The following FAM111B variants were observed in gnomAD, a reference collection of about 807,000 sequenced individuals.
The protein encoded by FAM111B is FAM111 trypsin like peptidase B.
Under a neutral mutation model 2.8 loss-of-function variants are expected in FAM111B, and 1 was observed. The ratio of observed to expected loss-of-function variants is 0.36; its 90% CI spans 0.13 to 1.70. The LOEUF is 1.70. Ranked by LOEUF, FAM111B falls within the 40% of genes most tolerant of loss-of-function variation. The pLI is 0.35. For missense variants in FAM111B, 882 were observed against 878.9 expected, an observed-to-expected ratio of 1.00 and a Z score of -0.04; for synonymous variants, 297 against 295.6, an observed-to-expected ratio of 1.00 and a Z score of -0.05.
At chr11:59,118,098 A>G (rs1366773396) in intron 3 of FAM111B, among the ~76,000 whole-genome samples, 1 of 152,228 alleles carries the variant, frequency 6.6e-6, no homozygotes, top group South Asian at 2.1e-4. Context: ...GAGAGGACCA[A>G]CTAGAGGTAC....
chr11:59,126,398 G>A lies in FAM111B; in HGVS notation c.*96G>A. 2 of 996,586 alleles carry A rather than the reference G, an allele frequency of 2.0e-6. No individual in the cohort carries two copies. The highest frequency in any genetic ancestry group is 2.0e-5 in the South Asian group (1 of 50,470). The allele number at this position is 996,586 out of a possible 1,614,324, so 61.7% of individuals were successfully genotyped here. The stretch of plus-strand genomic sequence containing the variant: ...AGCAATTGCAACAAAAGTGAAAATT[G>A]GCAAATGAGACCTAATTAAATCTTC... On this transcript the variant is annotated 3_prime_UTR_variant, in exon 4 of 4. Transcript: ENST00000343597.
At chr11:59,121,167 C>T (rs889642661) in intron 3 of FAM111B, among the ~76,000 whole-genome samples, 12 of 150,528 alleles carry the variant, frequency 8.0e-5, no homozygotes, top group African/African-American at 2.4e-4. Context: ...TTTATGACAC[C>T]TGAGAATGAA....
intron 3 of FAM111B, among the ~76,000 whole-genome samples, chr11:59,116,975 G>C (rs1859849144): frequency 1.3e-5 from 2 of 152,204 alleles, no homozygotes; most frequent in South Asian, 4.1e-4. Flanking sequence ...ATTTTTACCA[G>C]GTCTCTGAGG....
Position 59,127,374 on chromosome 11 carries a change from TTAAACC to T in FAM111B, c.*1077_*1082del. ...ATATAACAAAACTGCACATGGACTCTTAAACCTAAATAAAAGTTTAAAATATATATA... is the reference window on the plus strand; with the variant it reads ...ATATAACAAAACTGCACATGGACTCTTAAATAAAAGTTTAAAATATATATA... On this transcript the variant is annotated 3_prime_UTR_variant, in exon 4 of 4. Transcript: ENST00000343597. The T allele has an allele frequency of 6.6e-6, 1 of 152,122 alleles. No individual in the cohort carries two copies. The highest frequency in any genetic ancestry group is 1.5e-5 in the Non-Finnish European group (1 of 67,976). 9.4% of individuals were successfully genotyped at this position (152,122 alleles called of 1,614,324 possible).
chr11:59,121,252 T>C (rs1859917082), intron 3 of FAM111B, among the ~76,000 whole-genome samples: 1 of 152,070 alleles, frequency 6.6e-6, no homozygotes, highest in African/African-American at 2.4e-5. Context: ...ATATTTAAAA[T>C]ACTCCTAGAA....
chr11:59,119,799 G>A (rs1435936213), intron 3 of FAM111B, among the ~76,000 whole-genome samples: 1 of 151,918 alleles, frequency 6.6e-6, no homozygotes, highest in African/African-American at 2.4e-5. Flanking sequence ...TATTTAGCTG[G>A]TAAATAAAAT....
At chr11:59,114,921 T>C (rs1467019475) in intron 3 of FAM111B, among the ~76,000 whole-genome samples, 3 of 152,102 alleles carry the variant, frequency 2.0e-5, no homozygotes, top group Non-Finnish European at 4.4e-5. Context: ...TAAGGTGATA[T>C]CTGAGACCTG....
rs758155451 is a variant in FAM111B at position 59,124,588 on chromosome 11, A to G, written c.491A>G (p.Lys164Arg). 1.2e-6 allele frequency: 2 copies of G among 1,613,816 alleles called. No homozygotes were observed. The highest frequency in any genetic ancestry group is 1.1e-5 in the South Asian group (1 of 91,040). ...TTTAAAATTACATTTGGTCAAAGAA[A>G]GAGTAGCAAAGAAGATGGACACATA... ...SHFKITFGQR[K>R]SSKEDGHILR... The change falls in exon 4 of 4, where the codon AAG becomes AGG. Residue 164 changes from lysine (K) to arginine (R), a missense_variant. Coordinates refer to ENST00000343597, the MANE Select transcript of FAM111B (RefSeq NM_198947.4).
At chr11:59,117,527 A>G (rs576185147) in intron 3 of FAM111B, among the ~76,000 whole-genome samples, 49 of 152,196 alleles carry the variant, frequency 3.2e-4, no homozygotes, top group Non-Finnish European at 6.2e-4. Context: ...CCTTTCACAT[A>G]TATTATCTCA....
At chr11:59,120,746 C>G (rs1859908246) in intron 3 of FAM111B, among the ~76,000 whole-genome samples, 2 of 152,112 alleles carry the variant, frequency 1.3e-5, no homozygotes, top group African/African-American at 4.8e-5. Context: ...GGATTAGAGG[C>G]CCATCCTACT....
At chr11:59,121,169 G>C (rs1353690610) in intron 3 of FAM111B, among the ~76,000 whole-genome samples, 2 of 151,230 alleles carry the variant, frequency 1.3e-5, no homozygotes, top group African/African-American at 4.9e-5. Flanking sequence ...TATGACACCT[G>C]AGAATGAAAA....
Position 59,125,842 on chromosome 11 carries a change from G to A in FAM111B, c.1745G>A (p.Gly582Asp), listed in dbSNP as rs1340944267. The change falls in exon 4 of 4, where the codon GGC (glycine) becomes GAC (aspartate). Residue 582 changes from glycine (G) to aspartate (D), a missense_variant. By Grantham distance (94) the Gly-to-Asp change is moderately conservative (BLOSUM62 -1). Transcript: ENST00000343597. ...ATTTATTTAATTGGTCATCCTGAAG[G>A]CCAGATCAAGAAAATAGATGGTTGT... ...GLIYLIGHPEGQIKKIDGCTV... is the reference protein window; with the variant it reads ...GLIYLIGHPEDQIKKIDGCTV... 2 of 1,613,812 alleles carry A rather than the reference G, an allele frequency of 1.2e-6. No individual in the cohort carries two copies. The highest frequency in any genetic ancestry group is 1.3e-5 in the African/African-American group (1 of 74,994).
chr11:59,118,040 C>T (rs1386516078), intron 3 of FAM111B, among the ~76,000 whole-genome samples: 3 of 152,142 alleles, frequency 2.0e-5, no homozygotes, highest in African/African-American at 7.2e-5. Flanking sequence ...TTTGTTTACA[C>T]CCTATGTAAA....
chr11:59,109,751 C>T (rs1210670335), intron 3 of FAM111B, 45 bp downstream of exon 3: 4 of 1,240,946 alleles, frequency 3.2e-6, no homozygotes, highest in Non-Finnish European at 4.7e-6. Context: ...GATAGTCTAA[C>T]TATAGTGCCA....
At position 59,125,605 on chromosome 11, in the gene FAM111B, GT is replaced by G; in HGVS notation, c.1511del (p.Leu504CysfsTer5). Reference sequence around the variant, plus strand: ...ATGGTGGGTAAAAACACACATCCAAGTTTGTGGCCAGATATAATTAGCAAAT... The same window carrying G: ...ATGGTGGGTAAAAACACACATCCAAGTTGTGGCCAGATATAATTAGCAAAT... ...HLMVGKNTHP[S>X]LWPDIISKCA... On this transcript the variant is annotated frameshift_variant, in exon 4 of 4. Transcript: ENST00000343597. LOFTEE classifies it low-confidence loss of function (END_TRUNC). 6.2e-7 allele frequency: 1 copy of G among 1,613,940 alleles called. No individual in the cohort carries two copies. The highest frequency in any genetic ancestry group is 1.1e-5 in the South Asian group (1 of 91,082).
intron 3 of FAM111B, among the ~76,000 whole-genome samples, chr11:59,114,576 A>C (rs1300098719): frequency 6.6e-6 from 1 of 152,230 alleles, no homozygotes; most frequent in African/African-American, 2.4e-5. Flanking sequence ...GCACCTTAGC[A>C]CTGACAGGAA....
rs1365926251 is a variant in FAM111B, at chr11:59,127,335, C to T, written c.*1033C>T. Reference sequence around the variant, plus strand: ...TAATCTGAACACAAAACCCTGGTGACATGCAGTTTACCTATATAACAAAAC... The same window carrying T: ...TAATCTGAACACAAAACCCTGGTGATATGCAGTTTACCTATATAACAAAAC... On this transcript the variant is annotated 3_prime_UTR_variant, in exon 4 of 4. Coordinates refer to ENST00000343597, the MANE Select transcript of FAM111B (RefSeq NM_198947.4). 3 of 152,130 alleles carry T rather than the reference C, an allele frequency of 2.0e-5. No individual in the cohort carries two copies. The highest frequency in any genetic ancestry group is 7.2e-5 in the African/African-American group (3 of 41,422). The allele number at this position is 152,130 out of a possible 1,614,324, so 9.4% of individuals were successfully genotyped here.
In FAM111B at chr11:59,125,014, A is replaced by G. The variant is rs200497516; in HGVS notation, c.917A>G (p.His306Arg). Residue 306 changes from histidine to arginine, a missense_variant, in exon 4 of 4, where the codon CAC becomes CGC. Coordinates refer to ENST00000343597, the MANE Select transcript of FAM111B (RefSeq NM_198947.4). ...CTGATACAGTCTAAGAAAAAAGTCC[A>G]CAAACCAAAGAAAGATGGAGAGACC... is the stretch of plus-strand genomic sequence containing the variant. The part of the protein sequence containing the change: ...QSLIQSKKKV[H>R]KPKKDGETKD... 6.1e-4 allele frequency: 982 copies of G among 1,612,936 alleles called. 10 individuals are homozygous for G. In the South Asian group the frequency reaches 1.0e-2, roughly 16 times the overall value.
At chr11:59,109,497 G>A (rs1859723528) in intron 2 of FAM111B, 43 bp from the exon 3 acceptor site, 1 of 583,140 alleles carries the variant, frequency 1.7e-6, no homozygotes, top group African/African-American at 1.9e-5. Flanking sequence ...TCCAGTGTTT[G>A]AAAGTGGTTA....
Sources: allele counts gnomAD v4.1 joint callset (sites outside exome capture counted in the v4.1 genomes callset), GRCh38; gene constraint gnomAD v4.1.1; transcripts MANE v1.5; gene names NCBI Gene and HGNC (gene_info 2026-07-23, HGNC 2026-07-21).